The following LMBRD2 variants were observed in gnomAD, a reference collection of about 807,000 sequenced individuals.
LMBRD2 encodes the protein LMBR1 domain containing 2, also known as G protein-coupled receptor-associated protein LMBRD2.
LMBRD2 carries 55 observed loss-of-function variants against 94.4 expected under a neutral mutation model. The observed-to-expected ratio is 0.58, with a 90% CI of 0.47 to 0.73. The LOEUF is 0.73. Among genes scored for constraint, LMBRD2 ranks in the 30% least tolerant of loss-of-function variants. The pLI is 0.00. For synonymous variants in LMBRD2, 246 were observed against 272.4 expected, an observed-to-expected ratio of 0.90 and a Z score of 0.95; for missense variants, 640 against 831.9, an observed-to-expected ratio of 0.77 and a Z score of 2.84.
intron 6 of LMBRD2, among the ~76,000 whole-genome samples, 171 bp downstream of exon 6, chr5:36,136,138 G>A (rs1239207908): frequency 6.6e-6 from 1 of 152,182 alleles, no homozygotes; most frequent in Non-Finnish European, 1.5e-5. Flanking sequence ...CACATCATGA[G>A]GCTGAACTGC....
intron 6 of LMBRD2, 147 bp from the exon 7 acceptor site, chr5:36,124,412 A>G (rs13177876): frequency 0.36 from 178,647 of 495,566 alleles, 36,455 homozygotes; most frequent in Non-Finnish European, 0.42. Flanking sequence ...GTTCTTAAGA[A>G]CACAAGTAAA....
Position 36,137,259 on chromosome 5 carries a change from G to T in LMBRD2, c.536+15C>A. On this transcript the variant is annotated intron_variant, in intron 5 of 17. Coordinates refer to ENST00000296603, the MANE Select transcript of LMBRD2 (RefSeq NM_001007527.2). ...ACATACATTAAAGCAATGTTAAGAA[G>T]ACTACTTTTCTTACCATTCTAAATG... 1 of 1,509,686 alleles carries T rather than the reference G, an allele frequency of 6.6e-7. No individual in the cohort carries two copies. Among genetic ancestry groups the T allele is most frequent in the Non-Finnish European group, 9.0e-7 (1 of 1,106,420 alleles). 93.5% of individuals were successfully genotyped at this position (1,509,686 alleles called of 1,614,324 possible).
At position 36,118,020 on chromosome 5, in the gene LMBRD2, A is replaced by G. The variant is rs1163743308; in HGVS notation, c.1121-104T>C. On this transcript the variant is annotated intron_variant, in intron 9 of 17. Coordinates refer to ENST00000296603, the MANE Select transcript of LMBRD2 (RefSeq NM_001007527.2). ...TAATAAGATACTTAATTACAAAGAG[A>G]AAAACAGCAATTTTACAGTGGAGAA... 3.4e-6 allele frequency: 3 copies of G among 892,356 alleles called. No individual in the cohort carries two copies. The East Asian group carries it at 8.1e-5, about 24-fold the overall frequency. The allele number at this position is 892,356 out of a possible 1,614,324, so 55.3% of individuals were successfully genotyped here. A position where few individuals can be genotyped will look rare whatever the true frequency, so the allele number is the denominator to read the frequency against.
At chr5:36,123,325 A>G (rs1421526369) in intron 7 of LMBRD2, among the ~76,000 whole-genome samples, 1 of 152,144 alleles carries the variant, frequency 6.6e-6, no homozygotes, top group Non-Finnish European at 1.5e-5. Context: ...CAAATCCAAG[A>G]TGCTGAATTT....
rs369029704 is a variant in LMBRD2, at chr5:36,140,406, T to C, written c.368+701A>G. 2.0e-5 allele frequency among the ~76,000 whole-genome samples: 3 copies of C among 152,194 alleles called. No homozygotes were observed. The East Asian group carries it at 5.8e-4, about 29-fold the overall frequency. ...AACCTGCCAGGCTGAGTAAGCGGAA[T>C]AAGCCCAGCGGGCCTGAGTAAAATT... On this transcript the variant is annotated intron_variant, in intron 4 of 17. Coordinates refer to ENST00000296603, the MANE Select transcript of LMBRD2 (RefSeq NM_001007527.2).
intron 1 of LMBRD2, among the ~76,000 whole-genome samples, chr5:36,146,248 T>C (rs187546414): frequency 9.2e-5 from 14 of 152,374 alleles, no homozygotes; most frequent in African/African-American, 3.4e-4. Context: ...TAATATCTTA[T>C]AGCTTCTGTA....
chr5:36,120,462 T>C (rs530463798), intron 9 of LMBRD2, among the ~76,000 whole-genome samples: 1 of 152,294 alleles, frequency 6.6e-6, no homozygotes, highest in Admixed American at 6.5e-5. Context: ...GGTTTCACCA[T>C]GTTGGCCAGG....
At chr5:36,130,576 C>T (rs1318044487) in intron 6 of LMBRD2, among the ~76,000 whole-genome samples, 1 of 152,088 alleles carries the variant, frequency 6.6e-6, no homozygotes, top group Admixed American at 6.6e-5. Context: ...TAAGTCCTCA[C>T]TTATCAATAA....
chr5:36,111,232 A>G lies in LMBRD2; in HGVS notation c.1667T>C (p.Leu556Pro), dbSNP rs1451221782. Residue 556 changes from leucine to proline, a missense_variant, in exon 14 of 18, where the codon CTC becomes CCC. By Grantham distance (98) the Leu-to-Pro change is moderately conservative (BLOSUM62 -3). Around this residue, in one of 2 missense-constraint regions of LMBRD2, gnomAD observed 183 missense variants for 189.1 expected, o/e 0.97. Transcript: ENST00000296603. ...ATCTCCCATAAACTGCTGGAAACCGAGCAGATTCAAACAACGGGTTCCCAA... is the reference window on the plus strand; with the variant it reads ...ATCTCCCATAAACTGCTGGAAACCGGGCAGATTCAAACAACGGGTTCCCAA... ...FSLGTRCLNL[L>P]GFQQFMGDDD... 1 of 1,611,884 alleles carries G rather than the reference A, an allele frequency of 6.2e-7. No individual in the cohort carries two copies. The highest frequency in any genetic ancestry group is 8.5e-7 in the Non-Finnish European group (1 of 1,178,598).
chr5:36,105,129 C>T lies in LMBRD2; in HGVS notation c.1966G>A (p.Glu656Lys). The T allele has an allele frequency of 6.2e-7, 1 of 1,612,832 alleles. No homozygotes were observed. The highest frequency in any genetic ancestry group is 8.5e-7 in the Non-Finnish European group (1 of 1,179,092). Residue 656 changes from glutamate (E) to lysine (K), a missense_variant, in exon 17 of 18, where the codon GAA becomes AAA. Transcript: ENST00000296603. ...GTTTCTGCATTAAAATCCAAAGGTT[C>T]TGCATCTTGGAGAAGTTCTATCCGG... ...RDRIELLQDA[E>K]PLDFNAETFT...
chr5:36,122,164 T>C lies in LMBRD2; in HGVS notation c.1120+116A>G, dbSNP rs891822272. ...ATGTTACCAGATACTTAATATCACA[T>C]GGTATAAATCAAATAATACAAATAA... is the stretch of plus-strand genomic sequence containing the variant. On this transcript the variant is annotated intron_variant, in intron 9 of 17. Coordinates refer to ENST00000296603, the MANE Select transcript of LMBRD2 (RefSeq NM_001007527.2). 4 of 665,380 alleles carry C rather than the reference T, an allele frequency of 6.0e-6. No individual in the cohort carries two copies. In the African/African-American group the frequency reaches 7.4e-5, roughly 12 times the overall value. The allele number at this position is 665,380 out of a possible 1,614,324, so 41.2% of individuals were successfully genotyped here. A position where few individuals can be genotyped will look rare whatever the true frequency, so the allele number is the denominator to read the frequency against.
intron 14 of LMBRD2, 124 bp downstream of exon 14, chr5:36,111,031 C>T: frequency 1.6e-6 from 1 of 613,282 alleles, no homozygotes; most frequent in South Asian, 2.4e-5. Context: ...TAAAAATGTG[C>T]ATTAATTCAT....
At chr5:36,104,195 A>C in intron 17 of LMBRD2, 89 bp from the exon 18 acceptor site, 1 of 1,017,342 alleles carries the variant, frequency 9.8e-7, no homozygotes, top group Non-Finnish European at 1.5e-6. Context: ...GGGAGTGGCC[A>C]TATAATTTGT....
At chr5:36,141,613 G>A (rs1186559087) in intron 3 of LMBRD2, among the ~76,000 whole-genome samples, 2 of 151,318 alleles carry the variant, frequency 1.3e-5, no homozygotes, top group Admixed American at 6.6e-5. Flanking sequence ...TATAGGGGTT[G>A]GGAGGGGAAA....
chr5:36,143,403 A>C lies in LMBRD2; in HGVS notation c.-54T>G. 7.4e-7 allele frequency: 1 copy of C among 1,350,562 alleles called. No individual in the cohort carries two copies. The highest frequency in any genetic ancestry group is 1.0e-6 in the Non-Finnish European group (1 of 987,762). 83.7% of individuals were successfully genotyped at this position (1,350,562 alleles called of 1,614,324 possible). On this transcript the variant is annotated 5_prime_UTR_variant, in exon 2 of 18. An upstream start codon of the reference 5' UTR is lost. Coordinates refer to ENST00000296603, the MANE Select transcript of LMBRD2 (RefSeq NM_001007527.2). Reference sequence around the variant, plus strand: ...AGTTATTCATGTACAGGTCTGGACCATATCTATAAAGTAAAAAGAAGGTTA... The same window carrying C: ...AGTTATTCATGTACAGGTCTGGACCCTATCTATAAAGTAAAAAGAAGGTTA...
intron 14 of LMBRD2, 99 bp from the exon 15 acceptor site, chr5:36,110,090 T>A: frequency 1.1e-6 from 1 of 885,288 alleles, no homozygotes; most frequent in Non-Finnish European, 1.8e-6. Context: ...GTATTTCTTT[T>A]AAATTATCAC....
chr5:36,122,745 G>A (rs1356170964), intron 8 of LMBRD2, 103 bp downstream of exon 8: 1 of 1,364,250 alleles, frequency 7.3e-7, no homozygotes, highest in East Asian at 2.7e-5. Flanking sequence ...ATTAAAGGAA[G>A]TTTTAAATAC....
rs764461524 is a variant in LMBRD2, at chr5:36,117,829, G to A, written c.1208C>T (p.Ser403Leu). ...LSIFSVIVVW[S>L]ECTFFSTTPV... Reference sequence around the variant, plus strand: ...AGTAGTGCTAAAGAATGTGCACTCTGACCACACAACAATCACAGAGAAGAT... The same window carrying A: ...AGTAGTGCTAAAGAATGTGCACTCTAACCACACAACAATCACAGAGAAGAT... The change falls in exon 10 of 18, where the codon TCA (serine) becomes TTA (leucine). Residue 403 changes from serine (S) to leucine (L), a missense_variant. Physicochemically the swap from Ser to Leu is moderately radical, Grantham distance 145. This residue lies in a region of LMBRD2 where 457 missense variants were observed against 642.8 expected (regional missense o/e 0.71). Coordinates refer to ENST00000296603, the MANE Select transcript of LMBRD2 (RefSeq NM_001007527.2). 1.9e-6 allele frequency: 3 copies of A among 1,613,780 alleles called. No homozygotes were observed. The highest frequency in any genetic ancestry group is 4.5e-5 in the East Asian group (2 of 44,870).
chr5:36,119,036 A>T (rs1024230985), intron 9 of LMBRD2, among the ~76,000 whole-genome samples: 7 of 152,184 alleles, frequency 4.6e-5, no homozygotes, highest in Non-Finnish European at 8.8e-5. Context: ...ATAAAAATTT[A>T]AAAAAGAAAG....
Sources: allele counts gnomAD v4.1 joint callset (sites outside exome capture counted in the v4.1 genomes callset), GRCh38; gene constraint gnomAD v4.1.1; regional missense constraint gnomAD v4.1.1; transcripts MANE v1.5; gene names NCBI Gene and HGNC (gene_info 2026-07-23, HGNC 2026-07-21).